PCNX1: variants seen among roughly 807,000 people sequenced by gnomAD.
PCNX1 encodes pecanex 1.
A neutral mutation model predicts 242.2 loss-of-function variants in PCNX1; 78 were observed. That is an observed-to-expected ratio of 0.32 (90% CI 0.27 to 0.39). The LOEUF is 0.39. Ranked by LOEUF, PCNX1 falls within the 10% of genes least tolerant of loss-of-function variation. The pLI, the probability that PCNX1 is intolerant of heterozygous loss-of-function variation, is 1.00. For missense variants in PCNX1, 2,581 were observed against 2,856.5 expected, an observed-to-expected ratio of 0.90 and a Z score of 2.20; for synonymous variants, 1,024 against 1,032.9, an observed-to-expected ratio of 0.99 and a Z score of 0.17.
At chr14:71,027,065 T>A (rs1404757243) in intron 15 of PCNX1, 183 bp downstream of exon 15, 2 of 465,740 alleles carry the variant, frequency 4.3e-6, no homozygotes, top group Admixed American at 7.7e-5. Context: ...AATAGTCAAG[T>A]CTGCTACTTT....
intron 2 of PCNX1, among the ~76,000 whole-genome samples, chr14:70,951,261 A>G (rs1046579908): frequency 6.6e-6 from 1 of 151,518 alleles, no homozygotes; most frequent in Non-Finnish European, 1.5e-5. Flanking sequence ...GCCTTTTTTC[A>G]TTTATACCAT....
chr14:71,109,751 C>T, intron 35 of PCNX1, 44 bp from the exon 36 acceptor site: 3 of 1,605,088 alleles, frequency 1.9e-6, no homozygotes, highest in Non-Finnish European at 2.6e-6. Context: ...TGAGTATATT[C>T]CAGGTCTCCA....
chr14:71,048,649 A>T (rs1177704306), intron 22 of PCNX1, among the ~76,000 whole-genome samples: 1 of 152,238 alleles, frequency 6.6e-6, no homozygotes, highest in East Asian at 1.9e-4. Context: ...GACATACATT[A>T]TCCCATTTGA....
rs2062798762 is a variant in PCNX1 at position 71,113,714 on chromosome 14, A to AAGGT, written c.*3781_*3784dup. The AAGGT allele has an allele frequency of 6.6e-6, 1 of 152,246 alleles. No homozygotes were observed. Among genetic ancestry groups the AAGGT allele is most frequent in the Admixed American group, 6.5e-5 (1 of 15,276 alleles). 9.4% of individuals were successfully genotyped at this position (152,246 alleles called of 1,614,324 possible). On this transcript the variant is annotated 3_prime_UTR_variant, in exon 36 of 36. Transcript: ENST00000304743. ...CTAAATAAATATGTGACTTGAGAAA[A>AAGGT]AGGTAATAATGATTTTGTCAGAATT...
At chr14:70,976,480 C>G (rs1286343360) in intron 5 of PCNX1, among the ~76,000 whole-genome samples, 1 of 150,488 alleles carries the variant, frequency 6.6e-6, no homozygotes, top group Non-Finnish European at 1.5e-5. Flanking sequence ...TCACACCATT[C>G]TCCTGCCTCA....
At chr14:71,020,736 C>A (rs1186384507) in intron 12 of PCNX1, among the ~76,000 whole-genome samples, 1 of 152,120 alleles carries the variant, frequency 6.6e-6, no homozygotes, top group Non-Finnish European at 1.5e-5. Flanking sequence ...AAAATAGTTT[C>A]TTTTGCTGTA....
chr14:70,927,572 TTTTA>T (rs61306962), intron 1 of PCNX1, among the ~76,000 whole-genome samples: 8 of 151,588 alleles, frequency 5.3e-5, no homozygotes, highest in South Asian at 2.1e-4. Context: ...ATTCTCTCTC[TTTTA>T]TTTATTTATT....
At chr14:71,008,559 G>A (rs1463915192) in intron 8 of PCNX1, among the ~76,000 whole-genome samples, 1 of 151,028 alleles carries the variant, frequency 6.6e-6, no homozygotes, top group Non-Finnish European at 1.5e-5. Context: ...GGGAGGCTGA[G>A]GCAGGAGAAT....
chr14:70,927,645 A>G (rs1255424459), intron 1 of PCNX1, among the ~76,000 whole-genome samples: 1 of 150,634 alleles, frequency 6.6e-6, no homozygotes, highest in African/African-American at 2.5e-5. Context: ...GCTGGAGTGC[A>G]GTGGTGCGAT....
Position 70,945,527 on chromosome 14 carries a change from T to G in PCNX1, c.154-1388T>G, listed in dbSNP as rs2057421817. ...CAAAATTATTAATTTGTGGACTTTA[T>G]GTTTTTCCATCCTAATTTCAACCCA... On this transcript the variant is annotated intron_variant, in intron 1 of 35. Coordinates refer to ENST00000304743, the MANE Select transcript of PCNX1 (RefSeq NM_014982.3). Among the ~76,000 whole-genome samples, 3 of 151,128 alleles carry G rather than the reference T, an allele frequency of 2.0e-5. No individual in the cohort carries two copies. The South Asian group carries it at 6.3e-4, about 32-fold the overall frequency.
At chr14:70,945,617 A>T (rs566946634) in intron 1 of PCNX1, among the ~76,000 whole-genome samples, 1 of 152,132 alleles carries the variant, frequency 6.6e-6, no homozygotes, top group African/African-American at 2.4e-5. Context: ...CTGTATTCTA[A>T]ACCTGTCTGG....
At chr14:71,070,086 A>G (rs771807118) in intron 26 of PCNX1, among the ~76,000 whole-genome samples, 3 of 152,196 alleles carry the variant, frequency 2.0e-5, no homozygotes, top group African/African-American at 7.2e-5. Flanking sequence ...TTAGGAGTCA[A>G]TTTCTTCTCA....
At chr14:70,989,631 G>A (rs987086281) in intron 7 of PCNX1, among the ~76,000 whole-genome samples, 1 of 147,576 alleles carries the variant, frequency 6.8e-6, no homozygotes, top group African/African-American at 2.5e-5. Context: ...CCAAGTTCAA[G>A]TGATTCTCCT....
intron 15 of PCNX1, chr14:71,027,087 C>G: frequency 2.3e-6 from 1 of 437,324 alleles, no homozygotes; most frequent in Non-Finnish European, 4.0e-6. Context: ...GAGAAAGAGC[C>G]AGGTATAATG....
chr14:71,020,310 G>A (rs1026113820), intron 12 of PCNX1, among the ~76,000 whole-genome samples: 1 of 152,204 alleles, frequency 6.6e-6, no homozygotes. Flanking sequence ...TAATGGGATT[G>A]CTAGGTCAAA....
intron 2 of PCNX1, among the ~76,000 whole-genome samples, chr14:70,951,812 T>C (rs2057792451): frequency 6.6e-6 from 1 of 152,198 alleles, no homozygotes; most frequent in African/African-American, 2.4e-5. Flanking sequence ...ACTTTTAAAA[T>C]AGGGATATAG....
chr14:71,071,561 C>T (rs968637344), intron 26 of PCNX1, among the ~76,000 whole-genome samples: 1 of 152,084 alleles, frequency 6.6e-6, no homozygotes, highest in East Asian at 1.9e-4. Flanking sequence ...TCCCCCTTAA[C>T]CCTATTCCTT....
chr14:71,059,076 A>G (rs1429530102), intron 26 of PCNX1, among the ~76,000 whole-genome samples: 3 of 136,924 alleles, frequency 2.2e-5, no homozygotes, highest in Non-Finnish European at 4.8e-5. Context: ...ATTTTTTAAA[A>G]TAAATGTGCA....
intron 18 of PCNX1, among the ~76,000 whole-genome samples, chr14:71,034,557 T>C (rs1035131202): frequency 1.1e-4 from 16 of 152,224 alleles, no homozygotes; most frequent in Non-Finnish European, 2.2e-4. Context: ...AATTTTCTAA[T>C]TTGGTGAATT....
Sources: allele counts gnomAD v4.1 joint callset (sites outside exome capture counted in the v4.1 genomes callset), GRCh38; gene constraint gnomAD v4.1.1; transcripts MANE v1.5; gene names NCBI Gene and HGNC (gene_info 2026-07-23, HGNC 2026-07-21).